Variants in USP9X observed in about 807,000 individuals in gnomAD.
USP9X encodes ubiquitin specific peptidase 9 X-linked.
USP9X carries 7 observed loss-of-function variants against 190.3 expected under a neutral mutation model. That is an observed-to-expected ratio of 0.04 (90% CI 0.02 to 0.07). The LOEUF (loss-of-function observed/expected upper bound fraction) is 0.07. Ranked by LOEUF, USP9X falls within the 10% of genes least tolerant of loss-of-function variation. The pLI, the probability that USP9X is intolerant of heterozygous loss-of-function variation, is 1.00. For synonymous variants in USP9X, 645 were observed against 659.5 expected (o/e 0.98, Z 0.34); for missense variants, 1,010 against 1,916.9 (o/e 0.53, Z 8.83).
chrX:41,214,177 T>G (rs895938484), intron 33 of USP9X, among the ~76,000 whole-genome samples: 1 of 112,415 alleles, frequency 8.9e-6, no homozygotes, highest in African/African-American at 3.2e-5. Flanking sequence ...TTTTCAGAAC[T>G]TAATAAATTC....
chrX:41,126,465 A>G (rs1465281827), intron 2 of USP9X, among the ~76,000 whole-genome samples: 2 of 111,744 alleles, frequency 1.8e-5, no homozygotes, highest in Non-Finnish European at 3.8e-5. Context: ...TGCATTGTCC[A>G]TGGAATTCTA....
chrX:41,232,219 T>TTTTTG (rs1555937298), intron 44 of USP9X, among the ~76,000 whole-genome samples, 168 bp from the exon 45 acceptor site: 15 of 103,028 alleles, frequency 1.5e-4, no homozygotes, highest in East Asian at 6.0e-4. Context: ...TTTCAAGCCT[T>TTTTTG]TTTTTGTTTT....
chrX:41,230,803 G>T (rs901307416), intron 44 of USP9X, among the ~76,000 whole-genome samples: 1 of 111,541 alleles, frequency 9.0e-6, no homozygotes, highest in Non-Finnish European at 1.9e-5. Context: ...GGTTTTCCTT[G>T]TCAAGAAGGT....
chrX:41,169,855 G>C, intron 18 of USP9X, 140 bp from the exon 19 acceptor site: 1 of 809,631 alleles, frequency 1.2e-6, no homozygotes, highest in Admixed American at 3.1e-5. Flanking sequence ...GGATTCTCAA[G>C]CTGTATTAAG....
At chrX:41,164,017 C>A (rs1375351086) in intron 15 of USP9X, among the ~76,000 whole-genome samples, 1 of 111,231 alleles carries the variant, frequency 9.0e-6, no homozygotes, top group Non-Finnish European at 1.9e-5. Flanking sequence ...GGACTACAGG[C>A]ATGCGCCACC....
At chrX:41,097,647 T>G (rs989711340) in intron 1 of USP9X, among the ~76,000 whole-genome samples, 2 of 112,184 alleles carry the variant, frequency 1.8e-5, no homozygotes, top group Non-Finnish European at 3.8e-5. Flanking sequence ...AGAACAAAAA[T>G]TAGAAGAGAG....
intron 21 of USP9X, among the ~76,000 whole-genome samples, chrX:41,176,847 T>C (rs1396058279): frequency 8.9e-6 from 1 of 112,465 alleles, no homozygotes; most frequent in Admixed American, 9.4e-5. Flanking sequence ...AAACGTGCTA[T>C]AGCATAACAG....
chrX:41,150,114 T>A (rs185425137), intron 12 of USP9X, among the ~76,000 whole-genome samples: 4 of 109,177 alleles, frequency 3.7e-5, no homozygotes, highest in Non-Finnish European at 7.6e-5. Flanking sequence ...GGAATATCTG[T>A]GTATTACAAA....
At chrX:41,116,481 A>G (rs187478491) in intron 1 of USP9X, among the ~76,000 whole-genome samples, 75 of 112,398 alleles carry the variant, frequency 6.7e-4, no homozygotes, top group Admixed American at 1.1e-3. Context: ...ACTTGAAATC[A>G]GGCAAAGCTG....
At chrX:41,132,881 C>T (rs1438023915) in intron 4 of USP9X, among the ~76,000 whole-genome samples, 1 of 111,600 alleles carries the variant, frequency 9.0e-6, no homozygotes, top group Non-Finnish European at 1.9e-5. Context: ...AGAAAAAAAG[C>T]TTAATGCTGG....
intron 19 of USP9X, 60 bp downstream of exon 19, chrX:41,170,295 C>T: frequency 8.9e-7 from 1 of 1,119,471 alleles, no homozygotes. Context: ...ATCGTTTAAT[C>T]AGTAAATACT....
chrX:41,153,590 A>G (rs2062549508), intron 14 of USP9X, among the ~76,000 whole-genome samples: 1 of 112,352 alleles, frequency 8.9e-6, no homozygotes, highest in South Asian at 3.6e-4. Flanking sequence ...GAACATGTTT[A>G]GGATAAAGTT....
At chrX:41,194,376 A>G (rs1164091111) in intron 26 of USP9X, among the ~76,000 whole-genome samples, 3 of 110,986 alleles carry the variant, frequency 2.7e-5, no homozygotes, top group Non-Finnish European at 5.7e-5. Context: ...CCAACATGGA[A>G]AAACGCCGTC....
At chrX:41,201,521 T>TAC (rs2063041825) in intron 31 of USP9X, among the ~76,000 whole-genome samples, 1 of 110,163 alleles carries the variant, frequency 9.1e-6, no homozygotes, top group Non-Finnish European at 1.9e-5. Context: ...CAGCCTGGGT[T>TAC]ACAGAGTGAG....
chrX:41,200,355 G>C (rs190362000), intron 30 of USP9X, among the ~76,000 whole-genome samples: 14 of 111,742 alleles, frequency 1.3e-4, no homozygotes, highest in Non-Finnish European at 3.8e-5. Flanking sequence ...TGGCCATGCA[G>C]TTTGGTATGA....
chrX:41,232,559 G>A lies in USP9X; in HGVS notation c.*35G>A, dbSNP rs1011893428. ...AATTAACTGGTTCCATCAAGACTGT[G>A]CACCCAGGCCTTACAGTCCAACCTT... is the stretch of plus-strand genomic sequence containing the variant. On this transcript the variant is annotated 3_prime_UTR_variant, in exon 45 of 45. Coordinates refer to ENST00000378308, the MANE Select transcript of USP9X (RefSeq NM_001039591.3). 2 of 1,182,875 alleles carry A rather than the reference G, an allele frequency of 1.7e-6. No individual in the cohort carries two copies. Among genetic ancestry groups the A allele is most frequent in the South Asian group, 3.9e-5 (2 of 50,744 alleles).
rs371820302 is a variant in USP9X at position 41,232,466 on chromosome X, C to T, written c.7607C>T (p.Ala2536Val). Residue 2536 changes from alanine (A) to valine (V), a missense_variant, in exon 45 of 45, where the codon GCA becomes GTA. By Grantham distance (64) the Ala-to-Val change is moderately conservative. Around this residue, in one of 11 missense-constraint regions of USP9X, gnomAD observed 48 missense variants for 60.4 expected, o/e 0.79. Coordinates refer to ENST00000378308, the MANE Select transcript of USP9X (RefSeq NM_001039591.3). Reference protein sequence around the residue: ...MNNPQRTGQRAQENYEGSEEV... With the variant: ...MNNPQRTGQRVQENYEGSEEV... ...AACCCTCAGAGAACTGGCCAACGAG[C>T]ACAAGAAAATTATGAAGGCAGTGAA... 70 of 1,209,387 alleles carry T rather than the reference C, an allele frequency of 5.8e-5. No homozygotes were observed. The highest frequency in any genetic ancestry group is 1.5e-4 in the Admixed American group (7 of 45,650).
intron 1 of USP9X, among the ~76,000 whole-genome samples, chrX:41,122,543 C>T (rs2096794150): frequency 8.9e-6 from 1 of 111,753 alleles, no homozygotes; most frequent in Non-Finnish European, 1.9e-5. Context: ...CACAGGTGAG[C>T]AGGTACAGGA....
intron 1 of USP9X, among the ~76,000 whole-genome samples, chrX:41,087,834 C>G (rs1052093773): frequency 9.0e-6 from 1 of 111,680 alleles, no homozygotes; most frequent in Admixed American, 9.5e-5. Context: ...GTTTGCTGAC[C>G]TTGGTAGTTT....
Sources: allele counts gnomAD v4.1 joint callset (sites outside exome capture counted in the v4.1 genomes callset), GRCh38; gene constraint gnomAD v4.1.1; regional missense constraint gnomAD v4.1.1; transcripts MANE v1.5; gene names NCBI Gene and HGNC (gene_info 2026-07-23, HGNC 2026-07-21).